Variants in CDH13 observed in about 807,000 individuals in gnomAD.
CDH13 encodes cadherin 13, also known as cadherin-13.
CDH13 carries 24 observed loss-of-function variants against 63.8 expected under a neutral mutation model. That is an observed-to-expected ratio of 0.38 (90% CI 0.27 to 0.53). CDH13 has a LOEUF of 0.53. Ranked by LOEUF, CDH13 falls within the 20% of genes least tolerant of loss-of-function variation. The probability of loss-of-function intolerance (pLI) is 0.85; values close to 1 mark genes in which losing one functional copy is unlikely to be tolerated. For synonymous variants in CDH13, 503 were observed against 355.3 expected, an observed-to-expected ratio of 1.42 and a Z score of -4.67; for missense variants, 1,049 against 903.1, an observed-to-expected ratio of 1.16 and a Z score of -2.07.
intron 1 of CDH13, among the ~76,000 whole-genome samples, chr16:82,763,476 G>T (rs1040420073): frequency 6.6e-6 from 1 of 152,082 alleles, no homozygotes; most frequent in Admixed American, 6.5e-5. Flanking sequence ...ACTGTTTGCT[G>T]AATGAAAGAA....
At chr16:83,597,429 G>C (rs1297941033) in intron 7 of CDH13, among the ~76,000 whole-genome samples, 1 of 152,146 alleles carries the variant, frequency 6.6e-6, no homozygotes, top group Non-Finnish European at 1.5e-5. Flanking sequence ...TGAAATGTGT[G>C]TGTATATAAA....
intron 5 of CDH13, among the ~76,000 whole-genome samples, chr16:83,256,756 A>G (rs1188126080): frequency 2.2e-4 from 33 of 149,930 alleles, no homozygotes; most frequent in African/African-American, 7.1e-4. Flanking sequence ...GAGGCAGGAG[A>G]ATGGCATGAA....
At chr16:83,395,397 CT>C (rs1355606428) in intron 6 of CDH13, among the ~76,000 whole-genome samples, 2 of 152,096 alleles carry the variant, frequency 1.3e-5, no homozygotes, top group African/African-American at 4.8e-5. Flanking sequence ...CTGGGAGGTC[CT>C]GTTTGCCAGT....
At chr16:82,983,068 C>G (rs550704384) in intron 2 of CDH13, among the ~76,000 whole-genome samples, 1 of 152,138 alleles carries the variant, frequency 6.6e-6, no homozygotes, top group Non-Finnish European at 1.5e-5. Flanking sequence ...TGGGCTGACG[C>G]TATGGTTTTT....
In CDH13 at chr16:83,340,649, G is replaced by C. The variant is rs151007543; in HGVS notation, c.637-4213G>C. Among the ~76,000 whole-genome samples the C allele has an allele frequency of 1.4e-3, 213 of 152,238 alleles. 3 individuals carry two copies. Among genetic ancestry groups the C allele is most frequent in the East Asian group, 0.014 (70 of 5,180 alleles). The stretch of plus-strand genomic sequence containing the variant: ...TCTGTAGGATCTAGACAGGACCGAG[G>C]AGCCTGCATTTCTAACCAGCTCCTG... On this transcript the variant is annotated intron_variant, in intron 5 of 13. Coordinates refer to ENST00000567109, the MANE Select transcript of CDH13 (RefSeq NM_001257.5).
intron 7 of CDH13, among the ~76,000 whole-genome samples, chr16:83,546,779 T>C (rs925464224): frequency 5.9e-5 from 9 of 152,204 alleles, no homozygotes; most frequent in Admixed American, 3.3e-4. Context: ...TATTAGGCTA[T>C]TGTTACTCAG....
intron 7 of CDH13, among the ~76,000 whole-genome samples, chr16:83,578,250 G>T (rs1281906207): frequency 6.6e-6 from 1 of 152,168 alleles, no homozygotes; most frequent in Non-Finnish European, 1.5e-5. Context: ...TTCTTGACTT[G>T]CTCAAATCCT....
chr16:83,010,999 C>A (rs941439162), intron 2 of CDH13, among the ~76,000 whole-genome samples: 1 of 152,132 alleles, frequency 6.6e-6, no homozygotes, highest in Non-Finnish European at 1.5e-5. Context: ...CATGCAACAT[C>A]GTCGCCTAAT....
intron 7 of CDH13, among the ~76,000 whole-genome samples, chr16:83,601,294 T>C (rs554412058): frequency 4.6e-5 from 7 of 152,264 alleles, no homozygotes; most frequent in Non-Finnish European, 1.0e-4. Context: ...AATTTAAATA[T>C]AGGGGCTGTT....
At chr16:83,008,329 C>G (rs945365721) in intron 2 of CDH13, among the ~76,000 whole-genome samples, 1 of 151,978 alleles carries the variant, frequency 6.6e-6, no homozygotes, top group African/African-American at 2.4e-5. Context: ...TGAGTAGATG[C>G]CAGAAGGAAG....
rs533047060 is a variant in CDH13, at chr16:82,730,460, A to T, written c.45+103323A>T. On this transcript the variant is annotated intron_variant, in intron 1 of 13. Transcript: ENST00000567109. ...GGTTGGTGGAGCAGTAAGGCCATAC[A>T]CATACAACATTTACCTATTACGTTA... 2.0e-5 allele frequency among the ~76,000 whole-genome samples: 3 copies of T among 152,330 alleles called. No homozygotes were observed. In the East Asian group the frequency reaches 5.8e-4, roughly 29 times the overall value.
At chr16:83,653,886 A>T (rs1277977789) in intron 8 of CDH13, among the ~76,000 whole-genome samples, 2 of 152,180 alleles carry the variant, frequency 1.3e-5, no homozygotes, top group African/African-American at 4.8e-5. Flanking sequence ...CGGCGTCATC[A>T]GCCATAAATA....
intron 4 of CDH13, among the ~76,000 whole-genome samples, chr16:83,186,674 A>T (rs142338556): frequency 4.1e-4 from 62 of 152,332 alleles, no homozygotes; most frequent in African/African-American, 1.5e-3. Flanking sequence ...TTAAGGAGTT[A>T]CAAAAAGTTA....
intron 1 of CDH13, among the ~76,000 whole-genome samples, chr16:82,775,167 C>G (rs755723375): frequency 6.6e-6 from 1 of 152,144 alleles, no homozygotes; most frequent in Non-Finnish European, 1.5e-5. Flanking sequence ...ACAGCTGTAC[C>G]TACTGCATAT....
At chr16:83,742,219 G>A (rs1293548245) in intron 10 of CDH13, among the ~76,000 whole-genome samples, 1 of 152,146 alleles carries the variant, frequency 6.6e-6, no homozygotes, top group Admixed American at 6.5e-5. Flanking sequence ...TCCCTGCTCT[G>A]AGGGGGCCCT....
At chr16:83,302,915 C>A (rs1328682820) in intron 5 of CDH13, among the ~76,000 whole-genome samples, 1 of 152,162 alleles carries the variant, frequency 6.6e-6, no homozygotes, top group African/African-American at 2.4e-5. Context: ...AGAGGAAGGG[C>A]AGACTTCCAG....
chr16:82,995,107 C>T (rs368849321), intron 2 of CDH13, among the ~76,000 whole-genome samples: 1 of 152,176 alleles, frequency 6.6e-6, no homozygotes, highest in Non-Finnish European at 1.5e-5. Flanking sequence ...TCATTTTAAT[C>T]ATCACTATCA....
intron 6 of CDH13, among the ~76,000 whole-genome samples, chr16:83,395,780 T>G (rs1433461761): frequency 6.6e-6 from 1 of 152,242 alleles, no homozygotes; most frequent in Non-Finnish European, 1.5e-5. Flanking sequence ...GGGAAGTTAT[T>G]TCACCTTTCC....
rs147932070 is a variant in CDH13, at chr16:83,376,767, C to A, written c.781+31761C>A. Among the ~76,000 whole-genome samples the A allele has an allele frequency of 8.7e-3, 1,319 of 152,106 alleles. 18 individuals carry two copies. The highest frequency in any genetic ancestry group is 0.065 in the East Asian group (335 of 5,142). ...AAATCTTTGAGCATCTTGTCCCCTC[C>A]CCTTGATTCTAGGTGAGGAGGGGAC... On this transcript the variant is annotated intron_variant, in intron 6 of 13. Transcript: ENST00000567109.
Sources: allele counts gnomAD v4.1 joint callset (sites outside exome capture counted in the v4.1 genomes callset), GRCh38; gene constraint gnomAD v4.1.1; transcripts MANE v1.5; gene names NCBI Gene and HGNC (gene_info 2026-07-23, HGNC 2026-07-21).